Variants in UGT1A6 observed in about 807,000 individuals in gnomAD.
The protein encoded by UGT1A6 is UDP glucuronosyltransferase family 1 member A6.
Under a neutral mutation model 44.4 loss-of-function variants are expected in UGT1A6, and 32 were observed. The ratio of observed to expected loss-of-function variants is 0.72; its 90% confidence interval spans 0.54 to 0.97. UGT1A6 has a LOEUF of 0.97. UGT1A6 is among the 50% of genes least tolerant of loss of function. The probability of loss-of-function intolerance (pLI) is 0.00; values close to 1 mark genes in which losing one functional copy is unlikely to be tolerated. For synonymous variants in UGT1A6, 238 were observed against 248.5 expected, an observed-to-expected ratio of 0.96 and a Z score of 0.40; for missense variants, 685 against 661.9, an observed-to-expected ratio of 1.03 and a Z score of -0.38.
intron 1 of UGT1A6, chr2:233,721,701 C>T: frequency 2.8e-6 from 1 of 362,480 alleles, no homozygotes; most frequent in Non-Finnish European, 5.5e-6. Flanking sequence ...ACGCATGGCT[C>T]ATCTTGGATG....
At chr2:233,757,102 G>A (rs1696403036) in intron 1 of UGT1A6, among the ~76,000 whole-genome samples, 2 of 151,258 alleles carry the variant, frequency 1.3e-5, no homozygotes, top group South Asian at 4.2e-4. Context: ...GAGGGAGGGG[G>A]CAAGCAGAAG....
intron 1 of UGT1A6, among the ~76,000 whole-genome samples, chr2:233,716,590 A>T (rs1367261005): frequency 2.0e-5 from 3 of 152,194 alleles, no homozygotes; most frequent in Non-Finnish European, 2.9e-5. Flanking sequence ...TCAAAGAGCA[A>T]AAATTTTAGA....
intron 1 of UGT1A6, among the ~76,000 whole-genome samples, chr2:233,709,209 C>T (rs2076065092): frequency 6.6e-6 from 1 of 152,114 alleles, no homozygotes. Flanking sequence ...ACCAGAAGTA[C>T]ATTTGAGAGT....
At chr2:233,750,552 C>T (rs1256274617) in intron 1 of UGT1A6, 4 of 151,954 alleles carry the variant, frequency 2.6e-5, no homozygotes, top group Non-Finnish European at 5.9e-5. Context: ...ACATCAGAGA[C>T]CTTTGCAGCA....
At chr2:233,734,469 G>A (rs2078529188) in intron 1 of UGT1A6, among the ~76,000 whole-genome samples, 1 of 149,640 alleles carries the variant, frequency 6.7e-6, no homozygotes, top group Non-Finnish European at 1.5e-5. Flanking sequence ...TCCATCTCCT[G>A]GATTCATTGA....
At chr2:233,772,103 ACT>A (rs758185020) in intron 4 of UGT1A6, among the ~76,000 whole-genome samples, 157 bp from the exon 5 acceptor site, 84 of 152,280 alleles carry the variant, frequency 5.5e-4, no homozygotes, top group Admixed American at 1.4e-3. Flanking sequence ...ACAGGGCAAG[ACT>A]CTGTATCTAA....
At chr2:233,759,701 C>T (rs910973902) in intron 1 of UGT1A6, among the ~76,000 whole-genome samples, 5 of 149,762 alleles carry the variant, frequency 3.3e-5, no homozygotes, top group Non-Finnish European at 5.9e-5. Context: ...CACCTCATGG[C>T]GCGTGCTCGT....
intron 4 of UGT1A6, among the ~76,000 whole-genome samples, chr2:233,772,017 G>T (rs1484729268): frequency 7.9e-5 from 12 of 152,188 alleles, no homozygotes; most frequent in African/African-American, 9.7e-5. Context: ...GGAGGCTGAG[G>T]CAGGAGGATG....
At position 233,769,585 on chromosome 2, in the gene UGT1A6, G is replaced by A; in HGVS notation, c.1301+1146G>A. On this transcript the variant is annotated intron_variant, in intron 4 of 4. Transcript: ENST00000305139. This position sits in a 1 kb window ranked among gnomAD's most constrained non-coding sequence, Gnocchi z 4.4. ...GAAGAGCTGGAGCATGTTCAGATGA[G>A]AGGAGACGGAACACGGGGACACACC... is the stretch of plus-strand genomic sequence containing the variant. 1.2e-6 allele frequency: 2 copies of A among 1,612,920 alleles called. No individual in the cohort carries two copies. Among genetic ancestry groups the A allele is most frequent in the Non-Finnish European group, 1.7e-6 (2 of 1,179,890 alleles).
intron 1 of UGT1A6, among the ~76,000 whole-genome samples, chr2:233,763,573 C>T (rs1559410117): frequency 1.3e-5 from 2 of 152,188 alleles, no homozygotes; most frequent in African/African-American, 4.8e-5. Flanking sequence ...TTCTTATTTT[C>T]TCTTTCTTCC....
chr2:233,693,424 G>A lies in UGT1A6; in HGVS notation c.420G>A (p.Lys140=), dbSNP rs1368569398. 1.2e-6 allele frequency: 2 copies of A among 1,614,132 alleles called. No homozygotes were observed. The highest frequency in any genetic ancestry group is 4.5e-5 in the East Asian group (2 of 44,878). ...ACAGGGACACCCTGAACTTCTTTAA[G>A]GAGAGCAAGTTTGATGCTCTTTTCA... The part of the protein sequence containing the change: ...LQDRDTLNFF[K]ESKFDALFTD... Residue 140 remains lysine, a synonymous_variant, in exon 1 of 5, where the codon AAG becomes AAA. Coordinates refer to ENST00000305139, the MANE Select transcript of UGT1A6 (RefSeq NM_001072.4).
At chr2:233,751,023 A>T (rs193102367) in intron 1 of UGT1A6, among the ~76,000 whole-genome samples, 1 of 151,978 alleles carries the variant, frequency 6.6e-6, no homozygotes, top group East Asian at 1.9e-4. Flanking sequence ...TAGTAGATCC[A>T]ATAGCTTGCA....
At position 233,724,532 on chromosome 2, in the gene UGT1A6, G is replaced by A. The variant is rs1443471428; in HGVS notation, c.861+30667G>A. On this transcript the variant is annotated intron_variant, in intron 1 of 4. Transcript: ENST00000305139. ...CTCACCTCCCAGATGGGGTCTCGCCGGGCAGAGGCGCTCCTCACATCCCAG... is the reference window on the plus strand; with the variant it reads ...CTCACCTCCCAGATGGGGTCTCGCCAGGCAGAGGCGCTCCTCACATCCCAG... Among the ~76,000 whole-genome samples the A allele has an allele frequency of 4.9e-5, 6 of 123,286 alleles. No individual in the cohort carries two copies. In the East Asian group the frequency reaches 7.5e-4, roughly 15 times the overall value. 80.9% of individuals were successfully genotyped at this position (123,286 alleles called of 152,430 possible). A position where few individuals can be genotyped will look rare whatever the true frequency, so the allele number is the denominator to read the frequency against.
At chr2:233,747,748 A>G in intron 1 of UGT1A6, 1 of 1,613,310 alleles carries the variant, frequency 6.2e-7, no homozygotes, top group Non-Finnish European at 8.5e-7. Flanking sequence ...ATTCCATGTG[A>G]TTTAGACTTT....
At chr2:233,705,798 A>G (rs1030197407) in intron 1 of UGT1A6, among the ~76,000 whole-genome samples, 10 of 152,194 alleles carry the variant, frequency 6.6e-5, no homozygotes, top group Non-Finnish European at 1.5e-4. Context: ...CCCCTTGTTC[A>G]AAAATTATTA....
At chr2:233,706,622 T>C (rs567814206) in intron 1 of UGT1A6, among the ~76,000 whole-genome samples, 1 of 152,196 alleles carries the variant, frequency 6.6e-6, no homozygotes, top group Admixed American at 6.5e-5. Flanking sequence ...ACTAGAGAAA[T>C]GAGTGTTTCT....
chr2:233,747,040 A>T (rs1268606849), intron 1 of UGT1A6, among the ~76,000 whole-genome samples: 1 of 151,966 alleles, frequency 6.6e-6, no homozygotes, highest in Admixed American at 6.5e-5. Context: ...GGGACCCATA[A>T]TGAAAGACAA....
rs556044106 is a variant in UGT1A6, at chr2:233,743,839, C to T, written c.862-23195C>T. ...TTTTGTCGGGGTGCCACTTGAGCGC[C>T]AGCTTGCGGTACGCCTTCTTGATGG... On this transcript the variant is annotated intron_variant, in intron 1 of 4. Coordinates refer to ENST00000305139, the MANE Select transcript of UGT1A6 (RefSeq NM_001072.4). 3 of 1,367,286 alleles carry T rather than the reference C, an allele frequency of 2.2e-6. No individual in the cohort carries two copies. In the South Asian group the frequency reaches 3.4e-5, roughly 16 times the overall value. 84.7% of individuals were successfully genotyped at this position (1,367,286 alleles called of 1,614,324 possible).
intron 1 of UGT1A6, chr2:233,717,717 G>T (rs1199377056): frequency 8.8e-6 from 4 of 454,280 alleles, no homozygotes; most frequent in South Asian, 6.2e-5. Flanking sequence ...AGCCTCATGG[G>T]CATGAGACCA....
Sources: gnomAD v4.1 joint callset for allele counts (sites outside exome capture counted in the v4.1 genomes callset) on GRCh38, gnomAD v4.1.1 for gene constraint, Gnocchi (gnomAD v3.1) non-coding constraint, MANE v1.5 for transcripts, NCBI Gene and HGNC (gene_info 2026-07-23, HGNC 2026-07-21) for gene names.